The following AUTS2 variants were observed in gnomAD, a reference collection of about 807,000 sequenced individuals.
AUTS2 encodes the protein autism susceptibility gene 2 protein.
A neutral mutation model predicts 112.4 loss-of-function variants in AUTS2; 17 were observed. The observed-to-expected ratio is 0.15, with a 90% CI of 0.10 to 0.23. The LOEUF (loss-of-function observed/expected upper bound fraction) is 0.23, where lower values mean the gene tolerates loss of function less well. Among genes scored for constraint, AUTS2 ranks in the 10% least tolerant of loss-of-function variants. The pLI, the probability that AUTS2 is intolerant of heterozygous loss-of-function variation, is 1.00. For missense variants in AUTS2, 1,510 were observed against 1,701.6 expected (o/e 0.89, Z 1.98); for synonymous variants, 751 against 702.7 (o/e 1.07, Z -1.09).
At chr7:69,895,846 A>G (rs1432249473) in intron 1 of AUTS2, among the ~76,000 whole-genome samples, 1 of 152,248 alleles carries the variant, frequency 6.6e-6, no homozygotes, top group Non-Finnish European at 1.5e-5. Context: ...TCCAAAGAGA[A>G]TGGCATAATT....
rs189451684 is a variant in AUTS2, at chr7:69,615,873, G to C, written c.309+15911G>C. On this transcript the variant is annotated intron_variant, in intron 1 of 18. Coordinates refer to ENST00000342771, the MANE Select transcript of AUTS2 (RefSeq NM_015570.4). ...CATGCTGACAGCAATAGCATCATTAGAAAACATATGGACATGCAAAGGCAT... is the reference window on the plus strand; with the variant it reads ...CATGCTGACAGCAATAGCATCATTACAAAACATATGGACATGCAAAGGCAT... 4.8e-3 allele frequency among the ~76,000 whole-genome samples: 730 copies of C among 152,296 alleles called. 2 individuals are homozygous for C. The highest frequency in any genetic ancestry group is 6.9e-3 in the Admixed American group (106 of 15,302).
chr7:70,475,247 G>A (rs560262942), intron 5 of AUTS2, among the ~76,000 whole-genome samples: 77 of 152,220 alleles, frequency 5.1e-4, no homozygotes, highest in Middle Eastern at 6.8e-3. Context: ...TTGAGGAGGC[G>A]GGGAACTGGT....
At chr7:70,685,122 A>C (rs1176179416) in intron 5 of AUTS2, among the ~76,000 whole-genome samples, 2 of 152,180 alleles carry the variant, frequency 1.3e-5, no homozygotes, top group Non-Finnish European at 2.9e-5. Context: ...GAATAGCAGC[A>C]GTCTTTCCCT....
intron 4 of AUTS2, among the ~76,000 whole-genome samples, chr7:70,319,451 G>A (rs1410625010): frequency 2.6e-5 from 4 of 152,156 alleles, no homozygotes; most frequent in Non-Finnish European, 4.4e-5. Flanking sequence ...TCAACCCAGC[G>A]AAATTGGTGA....
At chr7:70,305,413 T>G (rs1020678148) in intron 4 of AUTS2, among the ~76,000 whole-genome samples, 5 of 152,212 alleles carry the variant, frequency 3.3e-5, no homozygotes, top group East Asian at 1.9e-4. Flanking sequence ...AATATTGTTC[T>G]TATATATGAT....
intron 6 of AUTS2, among the ~76,000 whole-genome samples, chr7:70,716,288 C>T (rs868299739): frequency 6.6e-6 from 1 of 152,138 alleles, no homozygotes; most frequent in Non-Finnish European, 1.5e-5. Flanking sequence ...TTCTCTTATA[C>T]CAGCCCAGCA....
intron 5 of AUTS2, among the ~76,000 whole-genome samples, chr7:70,553,760 C>CTTTTTTTT (rs71531706): frequency 0.015 from 866 of 56,038 alleles, 2 homozygotes; most frequent in East Asian, 0.018. Context: ...GCCTTTCTTT[C>CTTTTTTTT]TTTTTTTTTT....
At chr7:69,755,102 C>A (rs1787894150) in intron 1 of AUTS2, among the ~76,000 whole-genome samples, 1 of 152,162 alleles carries the variant, frequency 6.6e-6, no homozygotes, top group South Asian at 2.1e-4. Context: ...TTGACGAGGT[C>A]ACCCATCAAG....
At chr7:69,859,044 C>G (rs1361509613) in intron 1 of AUTS2, among the ~76,000 whole-genome samples, 1 of 152,194 alleles carries the variant, frequency 6.6e-6, no homozygotes, top group Non-Finnish European at 1.5e-5. Context: ...GCATCTTCAT[C>G]ATTCCAAATA....
At chr7:70,487,139 T>C (rs1189086443) in intron 5 of AUTS2, among the ~76,000 whole-genome samples, 2 of 152,046 alleles carry the variant, frequency 1.3e-5, no homozygotes, top group Admixed American at 1.3e-4. Context: ...GTGTGAAGAC[T>C]TCTCCAGCAT....
chr7:69,729,029 G>A (rs1786657166), intron 1 of AUTS2, among the ~76,000 whole-genome samples: 1 of 152,056 alleles, frequency 6.6e-6, no homozygotes, highest in African/African-American at 2.4e-5. Flanking sequence ...ATAATTTTGT[G>A]TGTGTCACAT....
At chr7:69,836,360 C>G (rs949960988) in intron 1 of AUTS2, among the ~76,000 whole-genome samples, 2 of 151,970 alleles carry the variant, frequency 1.3e-5, no homozygotes, top group African/African-American at 2.4e-5. Flanking sequence ...CAGCTGTGGC[C>G]AAATTAACAT....
At chr7:70,763,819 T>C (rs6973153) in intron 7 of AUTS2, among the ~76,000 whole-genome samples, 27,580 of 152,084 alleles carry the variant, frequency 0.18, 2,920 homozygotes, top group African/African-American at 0.29. Context: ...TAAGGATTTT[T>C]TTTTTCATTC....
chr7:69,743,900 A>G (rs1387790700), intron 1 of AUTS2, among the ~76,000 whole-genome samples: 3 of 152,090 alleles, frequency 2.0e-5, no homozygotes. Context: ...GGGCTCAAGC[A>G]ACTTCTCCCA....
At position 70,785,880 on chromosome 7, in the gene AUTS2, C is replaced by T. The variant is rs2293502; in HGVS notation, c.2225-75C>T. On this transcript the variant is annotated intron_variant, in intron 16 of 18. Coordinates refer to ENST00000342771, the MANE Select transcript of AUTS2 (RefSeq NM_015570.4). ...GAGAGGGCAGGGATCCCGCATCGCC[C>T]TGCTCCCAGGAAGCTCTGGGTTCCT... 192 of 1,433,000 alleles carry T rather than the reference C, an allele frequency of 1.3e-4. 3 individuals carry two copies. In the East Asian group the frequency reaches 4.4e-3, roughly 33 times the overall value. 88.8% of individuals were successfully genotyped at this position (1,433,000 alleles called of 1,614,324 possible). A position where few individuals can be genotyped will look rare whatever the true frequency, so the allele number is the denominator to read the frequency against.
chr7:70,402,331 G>C (rs1233243784), intron 4 of AUTS2, among the ~76,000 whole-genome samples: 1 of 152,212 alleles, frequency 6.6e-6, no homozygotes, highest in Non-Finnish European at 1.5e-5. Context: ...CCTGACATTG[G>C]CAAGACTTCA....
intron 1 of AUTS2, among the ~76,000 whole-genome samples, chr7:69,800,693 C>G (rs1448514990): frequency 6.6e-6 from 1 of 152,158 alleles, no homozygotes; most frequent in Non-Finnish European, 1.5e-5. Context: ...AGCAGCTAGC[C>G]TTGGAGGCAT....
At chr7:70,329,937 T>C (rs1371693671) in intron 4 of AUTS2, among the ~76,000 whole-genome samples, 4 of 152,104 alleles carry the variant, frequency 2.6e-5, no homozygotes, top group African/African-American at 7.2e-5. Context: ...GATTACACCT[T>C]GTTGCTGTGT....
At chr7:70,010,155 A>T (rs1799729026) in intron 2 of AUTS2, among the ~76,000 whole-genome samples, 2 of 151,456 alleles carry the variant, frequency 1.3e-5, no homozygotes, top group South Asian at 2.1e-4. Context: ...TTTTTAATTA[A>T]TTTTTTTTGA....
Sources: gnomAD v4.1 joint callset for allele counts (sites outside exome capture counted in the v4.1 genomes callset) on GRCh38, gnomAD v4.1.1 for gene constraint, MANE v1.5 for transcripts, NCBI Gene and HGNC (gene_info 2026-07-23, HGNC 2026-07-21) for gene names.